Variants in MAGI2 observed in about 807,000 individuals in gnomAD.
MAGI2 encodes the protein membrane associated guanylate kinase, WW and PDZ domain containing 2.
A neutral mutation model predicts 133.3 loss-of-function variants in MAGI2; 35 were observed. That is an observed-to-expected ratio of 0.26 (90% CI 0.20 to 0.35). The LOEUF (loss-of-function observed/expected upper bound fraction) is 0.35. Ranked by LOEUF, MAGI2 falls within the 10% of genes least tolerant of loss-of-function variation. The pLI is 1.00. For synonymous variants in MAGI2, 729 were observed against 710.6 expected (o/e 1.03, Z -0.41); for missense variants, 1,636 against 1,863.4 (o/e 0.88, Z 2.25).
intron 6 of MAGI2, among the ~76,000 whole-genome samples, chr7:78,427,950 C>T (rs868204291): frequency 6.6e-6 from 1 of 152,088 alleles, no homozygotes; most frequent in Non-Finnish European, 1.5e-5. Context: ...TCTGTCTCCA[C>T]CCCATGGGAA....
At chr7:79,330,948 C>T (rs773807569) in intron 1 of MAGI2, among the ~76,000 whole-genome samples, 7 of 152,082 alleles carry the variant, frequency 4.6e-5, no homozygotes, top group South Asian at 2.1e-4. Flanking sequence ...CATTCCTTCA[C>T]GACAATTTAC....
At chr7:79,358,499 C>G (rs775204284) in intron 1 of MAGI2, among the ~76,000 whole-genome samples, 6 of 152,014 alleles carry the variant, frequency 3.9e-5, no homozygotes, top group Non-Finnish European at 8.8e-5. Flanking sequence ...ATAAAAGGTT[C>G]TGAAAATGGA....
rs539437111 is a variant in MAGI2, at chr7:78,591,389, T to A, written c.538+35731A>T. ...GTGAAATTGATGCAGTGGTATCTAA[T>A]GTAGCCACATCTAGCTGTAGACAAG... is the stretch of plus-strand genomic sequence containing the variant. On this transcript the variant is annotated intron_variant, in intron 3 of 21. Coordinates refer to ENST00000354212, the MANE Select transcript of MAGI2 (RefSeq NM_012301.4). Among the ~76,000 whole-genome samples, 6 of 152,344 alleles carry A rather than the reference T, an allele frequency of 3.9e-5. No homozygotes were observed. The South Asian group carries it at 1.2e-3, about 32-fold the overall frequency.
chr7:78,044,139 T>C (rs1476722628), intron 21 of MAGI2, among the ~76,000 whole-genome samples: 4 of 152,244 alleles, frequency 2.6e-5, no homozygotes, highest in African/African-American at 7.2e-5. Flanking sequence ...ATTAAAATAA[T>C]GTGACTCCCC....
chr7:79,375,117 C>T lies in MAGI2; in HGVS notation c.301+77903G>A, dbSNP rs576547432. On this transcript the variant is annotated intron_variant, in intron 1 of 21. Coordinates refer to ENST00000354212, the MANE Select transcript of MAGI2 (RefSeq NM_012301.4). ...TCTTATAAGATTATTAAAAAGGAAA[C>T]AACTAACTTTTGAATAGTTGAGAAC... 2.6e-4 allele frequency among the ~76,000 whole-genome samples: 40 copies of T among 152,066 alleles called. No individual in the cohort carries two copies. In the South Asian group the frequency reaches 3.7e-3, roughly 14 times the overall value.
At chr7:79,136,068 G>GGAAAGAAAGAAAGAAAGAAA (rs368094018) in intron 1 of MAGI2, among the ~76,000 whole-genome samples, 15 of 94,650 alleles carry the variant, frequency 1.6e-4, no homozygotes, top group African/African-American at 2.4e-4. Flanking sequence ...AAAGAAAGAA[G>GGAAAGAAAGAAAGAAAGAAA]GAAAGAAAGA....
At chr7:78,670,750 C>T (rs1261422382) in intron 2 of MAGI2, among the ~76,000 whole-genome samples, 4 of 151,982 alleles carry the variant, frequency 2.6e-5, no homozygotes, top group Non-Finnish European at 5.9e-5. Flanking sequence ...CAGAACAGAG[C>T]CCTCAGAAAG....
rs138751893 is a variant in MAGI2, at chr7:78,690,299, G to A, written c.419-63060C>T. On this transcript the variant is annotated intron_variant, in intron 2 of 21. Transcript: ENST00000354212. ...GGTGAACTTGAGGCGGGAGTGAATCGTACATGTAAATCACAGAGCAGCATA... is the reference window on the plus strand; with the variant it reads ...GGTGAACTTGAGGCGGGAGTGAATCATACATGTAAATCACAGAGCAGCATA... Among the ~76,000 whole-genome samples, 842 of 152,234 alleles carry A rather than the reference G, an allele frequency of 5.5e-3. 8 individuals are homozygous for A. Among genetic ancestry groups the A allele is most frequent in the African/African-American group, 0.019 (803 of 41,548 alleles).
At chr7:78,609,232 G>A (rs879853600) in intron 3 of MAGI2, among the ~76,000 whole-genome samples, 18 of 152,252 alleles carry the variant, frequency 1.2e-4, no homozygotes, top group Middle Eastern at 3.4e-3. Flanking sequence ...CAGGATCAAT[G>A]CTTTGCATCC....
intron 3 of MAGI2, among the ~76,000 whole-genome samples, chr7:78,553,310 A>G (rs1335583142): frequency 6.6e-6 from 1 of 152,022 alleles, no homozygotes; most frequent in African/African-American, 2.4e-5. Context: ...TTTCCGTATT[A>G]CTCTCCACGC....
intron 1 of MAGI2, chr7:79,343,508 A>G (rs1841064229): frequency 6.6e-6 from 1 of 150,530 alleles, no homozygotes; most frequent in African/African-American, 2.4e-5. Context: ...ATTTATATTT[A>G]TTTTTATTAT....
intron 6 of MAGI2, among the ~76,000 whole-genome samples, chr7:78,427,953 C>T (rs1289100054): frequency 1.3e-5 from 2 of 152,132 alleles, no homozygotes; most frequent in African/African-American, 4.8e-5. Flanking sequence ...GTCTCCACCC[C>T]ATGGGAATTT....
chr7:78,189,513 A>T (rs1314723558), intron 12 of MAGI2, among the ~76,000 whole-genome samples: 1 of 152,192 alleles, frequency 6.6e-6, no homozygotes, highest in African/African-American at 2.4e-5. Context: ...GATCCTTGAC[A>T]TTTTTATGAT....
In MAGI2 at chr7:79,453,181, A is replaced by G. The variant is rs1440298775; in HGVS notation, c.140T>C (p.Val47Ala). 1 of 1,611,986 alleles carries G rather than the reference A, an allele frequency of 6.2e-7. No individual in the cohort carries two copies. Among genetic ancestry groups the G allele is most frequent in the African/African-American group, 1.3e-5 (1 of 74,258 alleles). The change falls in exon 1 of 22, where the codon GTG becomes GCG. Residue 47 changes from valine (V) to alanine (A), a missense_variant. Physicochemically the swap from Val to Ala is moderately conservative, Grantham distance 64. Transcript: ENST00000354212. ...ENGQFPYLGE[V>A]KPGKVAYESG... Reference sequence around the variant, plus strand: ...CTCATAGGCCACCTTGCCGGGCTTCACCTCCCCCAGGTAGGGGAACTGTCC... The same window carrying G: ...CTCATAGGCCACCTTGCCGGGCTTCGCCTCCCCCAGGTAGGGGAACTGTCC...
At chr7:79,321,885 G>A (rs968984815) in intron 1 of MAGI2, among the ~76,000 whole-genome samples, 4 of 152,122 alleles carry the variant, frequency 2.6e-5, no homozygotes, top group Non-Finnish European at 5.9e-5. Context: ...TATCAGTGGA[G>A]ACTGACTTTA....
At chr7:79,159,820 G>A (rs1158511650) in intron 1 of MAGI2, among the ~76,000 whole-genome samples, 1 of 151,926 alleles carries the variant, frequency 6.6e-6, no homozygotes. Flanking sequence ...ATTATCTAAA[G>A]TAACAGAATT....
intron 1 of MAGI2, among the ~76,000 whole-genome samples, chr7:79,118,662 T>C (rs1169732444): frequency 1.3e-5 from 2 of 152,110 alleles, no homozygotes; most frequent in Non-Finnish European, 2.9e-5. Context: ...AAAATGAAAA[T>C]TCACTTTGTA....
At chr7:78,641,728 G>A (rs560215988) in intron 2 of MAGI2, among the ~76,000 whole-genome samples, 1 of 152,192 alleles carries the variant, frequency 6.6e-6, no homozygotes, top group East Asian at 1.9e-4. Context: ...AACCAACCAG[G>A]TAGCTTTCTA....
At chr7:78,716,813 G>C (rs929067811) in intron 2 of MAGI2, among the ~76,000 whole-genome samples, 13 of 152,152 alleles carry the variant, frequency 8.5e-5, no homozygotes, top group African/African-American at 3.1e-4. Context: ...GAAGTTCAGA[G>C]AAAACTGAAG....
Sources: allele counts gnomAD v4.1 joint callset (sites outside exome capture counted in the v4.1 genomes callset), GRCh38; gene constraint gnomAD v4.1.1; transcripts MANE v1.5; gene names NCBI Gene and HGNC (gene_info 2026-07-23, HGNC 2026-07-21).